The following PPP1CB variants were observed in gnomAD, a reference collection of about 807,000 sequenced individuals.
The protein encoded by PPP1CB is serine/threonine-protein phosphatase PP1-beta catalytic subunit.
PPP1CB carries 2 observed loss-of-function variants against 43.7 expected under a neutral mutation model. The observed-to-expected ratio is 0.05, with a 90% CI of 0.02 to 0.14. PPP1CB has a LOEUF of 0.14. PPP1CB is among the 10% of genes least tolerant of loss of function. The probability of loss-of-function intolerance (pLI) is 1.00; values close to 1 mark genes in which losing one functional copy is unlikely to be tolerated. For synonymous variants in PPP1CB, 136 were observed against 135.6 expected (o/e 1.00, Z -0.02); for missense variants, 84 against 398.0 (o/e 0.21, Z 6.71).
chr2:28,791,745 G>GT (rs1360036716), intron 6 of PPP1CB, among the ~76,000 whole-genome samples: 1 of 152,028 alleles, frequency 6.6e-6, no homozygotes, highest in Admixed American at 6.6e-5. Context: ...CTGATAATCA[G>GT]TTTTTTTCAG....
intron 1 of PPP1CB, among the ~76,000 whole-genome samples, chr2:28,757,335 A>G (rs1666517534): frequency 6.6e-6 from 1 of 152,146 alleles, no homozygotes; most frequent in African/African-American, 2.4e-5. Flanking sequence ...GCTGCTATCA[A>G]CATTTGTGTA....
chr2:28,786,670 G>C (rs560108754), intron 5 of PPP1CB, among the ~76,000 whole-genome samples: 1 of 150,554 alleles, frequency 6.6e-6, no homozygotes, highest in Admixed American at 6.7e-5. Context: ...AGCTACTCGG[G>C]AGGCTGAGGC....
chr2:28,781,906 TAATC>T (rs1196104674), intron 4 of PPP1CB, 64 bp downstream of exon 4: 7 of 1,089,146 alleles, frequency 6.4e-6, no homozygotes, highest in African/African-American at 1.6e-5. Flanking sequence ...ATACCTATAA[TAATC>T]AAGAGGCTGT....
intron 1 of PPP1CB, among the ~76,000 whole-genome samples, chr2:28,776,231 G>GT (rs1016370458): frequency 2.7e-5 from 4 of 149,046 alleles, no homozygotes; most frequent in Admixed American, 6.7e-5. Flanking sequence ...TTTTGTGTGT[G>GT]TTTTTTTTGT....
intron 1 of PPP1CB, among the ~76,000 whole-genome samples, chr2:28,758,834 A>G (rs1666550917): frequency 6.6e-6 from 1 of 152,240 alleles, no homozygotes; most frequent in African/African-American, 2.4e-5. Flanking sequence ...TATTGATGAT[A>G]TGTGCATATC....
intron 1 of PPP1CB, among the ~76,000 whole-genome samples, chr2:28,771,040 T>TCCCCCC (rs58673755): frequency 8.1e-4 from 57 of 69,976 alleles, no homozygotes; most frequent in South Asian, 2.1e-3. Context: ...TATTCCCTGC[T>TCCCCCC]CCCCCCCCCC....
intron 1 of PPP1CB, among the ~76,000 whole-genome samples, chr2:28,769,125 G>A (rs1666844707): frequency 6.6e-6 from 1 of 152,174 alleles, no homozygotes; most frequent in Non-Finnish European, 1.5e-5. Context: ...ATTATCTTCA[G>A]GGAACAATAA....
At chr2:28,763,682 C>T (rs1666712334) in intron 1 of PPP1CB, among the ~76,000 whole-genome samples, 2 of 147,316 alleles carry the variant, frequency 1.4e-5, no homozygotes, top group Non-Finnish European at 3.0e-5. Context: ...CACTAAAGGC[C>T]ATTTTGGTCT....
At chr2:28,758,915 A>G (rs150358003) in intron 1 of PPP1CB, among the ~76,000 whole-genome samples, 11 of 152,324 alleles carry the variant, frequency 7.2e-5, no homozygotes, top group African/African-American at 2.6e-4. Context: ...AACATAGCAT[A>G]TTTCACCATA....
chr2:28,767,590 G>A (rs1666806839), intron 1 of PPP1CB, among the ~76,000 whole-genome samples: 1 of 152,140 alleles, frequency 6.6e-6, no homozygotes, highest in Non-Finnish European at 1.5e-5. Flanking sequence ...AATTTGTGAT[G>A]CACCGAAAAG....
chr2:28,754,034 C>T (rs1666418546), intron 1 of PPP1CB, among the ~76,000 whole-genome samples: 1 of 152,098 alleles, frequency 6.6e-6, no homozygotes, highest in Non-Finnish European at 1.5e-5. Context: ...TCGCGCCCGG[C>T]ATATTTTTAT....
rs1271399688 is a variant in PPP1CB, at chr2:28,752,117, C to T, written c.-8C>T. 2 of 1,549,846 alleles carry T rather than the reference C, an allele frequency of 1.3e-6. No homozygotes were observed. Among genetic ancestry groups the T allele is most frequent in the South Asian group, 1.2e-5 (1 of 84,050 alleles). On this transcript the variant is annotated 5_prime_UTR_variant, in exon 1 of 8. Transcript: ENST00000395366. ...CCGCTGCTGGGAAGGAGAGTCTGTG[C>T]CGACAAGATGGCGGACGGGGAGCTG...
intron 5 of PPP1CB, among the ~76,000 whole-genome samples, chr2:28,785,564 C>T (rs1667249089): frequency 2.0e-5 from 3 of 151,938 alleles, no homozygotes; most frequent in Admixed American, 2.0e-4. Context: ...GTAATTCCAA[C>T]AGTTTGGGAG....
At chr2:28,756,566 C>T (rs963881862) in intron 1 of PPP1CB, among the ~76,000 whole-genome samples, 3 of 152,220 alleles carry the variant, frequency 2.0e-5, no homozygotes, top group South Asian at 2.1e-4. Context: ...TCACTGCAGC[C>T]TCGACTTCCT....
chr2:28,754,523 T>C (rs1051653424), intron 1 of PPP1CB, among the ~76,000 whole-genome samples: 1 of 152,212 alleles, frequency 6.6e-6, no homozygotes, highest in African/African-American at 2.4e-5. Context: ...GCCTCCTCTC[T>C]GTCCTATGTT....
intron 1 of PPP1CB, among the ~76,000 whole-genome samples, chr2:28,763,851 G>A (rs548030103): frequency 2.6e-5 from 4 of 152,160 alleles, no homozygotes; most frequent in South Asian, 4.2e-4. Context: ...GATTACAGGT[G>A]CGCGCCACCA....
In PPP1CB at chr2:28,751,830, G is replaced by C. The variant is rs1431557689; in HGVS notation, c.-295G>C. On this transcript the variant is annotated 5_prime_UTR_variant, in exon 1 of 8. Transcript: ENST00000395366. ...GCCGTCGGCGGCGCTGGTGAGCTTT[G>C]CGGAGCTGGGCGGTGCCGAGGAGGA... The C allele has an allele frequency of 4.0e-6, 2 of 498,342 alleles. No homozygotes were observed. The highest frequency in any genetic ancestry group is 7.3e-6 in the Non-Finnish European group (2 of 274,552). 30.9% of individuals were successfully genotyped at this position (498,342 alleles called of 1,614,324 possible).
chr2:28,769,484 A>G (rs1326659187), intron 1 of PPP1CB, among the ~76,000 whole-genome samples: 1 of 152,196 alleles, frequency 6.6e-6, no homozygotes, highest in Non-Finnish European at 1.5e-5. Flanking sequence ...ATCCTTCAAT[A>G]GTAAAGTAAA....
intron 1 of PPP1CB, among the ~76,000 whole-genome samples, chr2:28,761,112 G>A (rs556107441): frequency 3.3e-5 from 5 of 151,992 alleles, no homozygotes; most frequent in Non-Finnish European, 5.9e-5. Context: ...ACTAAATCTC[G>A]AACACCTGAC....
Sources: allele counts gnomAD v4.1 joint callset (sites outside exome capture counted in the v4.1 genomes callset), GRCh38; gene constraint gnomAD v4.1.1; transcripts MANE v1.5; gene names NCBI Gene and HGNC (gene_info 2026-07-23, HGNC 2026-07-21).